AHRR: variants seen among roughly 807,000 people sequenced by gnomAD.
AHRR encodes the protein aryl hydrocarbon receptor repressor.
Under a neutral mutation model 44.0 loss-of-function variants are expected in AHRR, and 28 were observed. The observed-to-expected ratio is 0.64, with a 90% CI of 0.47 to 0.87. AHRR has a LOEUF of 0.87. Ranked by LOEUF, AHRR falls within the 40% of genes least tolerant of loss-of-function variation. The pLI, the probability that AHRR is intolerant of heterozygous loss-of-function variation, is 0.00. For synonymous variants in AHRR, 434 were observed against 407.0 expected, an observed-to-expected ratio of 1.07 and a Z score of -0.80; for missense variants, 990 against 953.9, an observed-to-expected ratio of 1.04 and a Z score of -0.50.
chr5:367,833 C>A (rs554938373), intron 3 of AHRR: 6 of 702,404 alleles, frequency 8.5e-6, no homozygotes, highest in Non-Finnish European at 1.6e-5. Flanking sequence ...TGGCAGATGC[C>A]GAAGATGTGG....
In AHRR at chr5:436,055, C is replaced by T. The variant is rs1045505936; in HGVS notation, c.*1221C>T. The T allele has an allele frequency of 2.0e-5, 3 of 152,848 alleles. No individual in the cohort carries two copies. Among genetic ancestry groups the T allele is most frequent in the Admixed American group, 1.3e-4 (2 of 15,256 alleles). 9.5% of individuals were successfully genotyped at this position (152,848 alleles called of 1,614,324 possible). A position where few individuals can be genotyped will look rare whatever the true frequency, so the allele number is the denominator to read the frequency against. ...GCAAGAGGAAGCCAGGCAGTGAGGC[C>T]CTGGGGTGTGGCTGCAGCTGGGCCC... is the stretch of plus-strand genomic sequence containing the variant. On this transcript the variant is annotated 3_prime_UTR_variant, in exon 11 of 11. Coordinates refer to ENST00000684583, the MANE Select transcript of AHRR (RefSeq NM_001377236.1).
chr5:341,386 G>A (rs932306550), intron 1 of AHRR, among the ~76,000 whole-genome samples: 1 of 151,916 alleles, frequency 6.6e-6, no homozygotes, highest in African/African-American at 2.4e-5. Flanking sequence ...CCTGATATTG[G>A]CAATTTGTGT....
At position 436,610 on chromosome 5, in the gene AHRR, C is replaced by A. The variant is rs1737088369; in HGVS notation, c.*1776C>A. 3 of 152,514 alleles carry A rather than the reference C, an allele frequency of 2.0e-5. No homozygotes were observed. The highest frequency in any genetic ancestry group is 2.0e-4 in the Admixed American group (3 of 15,284). The allele number at this position is 152,514 out of a possible 1,614,324, so 9.4% of individuals were successfully genotyped here. On this transcript the variant is annotated 3_prime_UTR_variant, in exon 11 of 11. Coordinates refer to ENST00000684583, the MANE Select transcript of AHRR (RefSeq NM_001377236.1). ...ATCCATCGTGGCCCCCTATGACCCC[C>A]AAGCCCTACCGAGGGGGCACTCACT...
At chr5:402,526 A>T (rs2721009) in intron 4 of AHRR, among the ~76,000 whole-genome samples, 30 of 142,132 alleles carry the variant, frequency 2.1e-4, no homozygotes, top group South Asian at 9.4e-4. Flanking sequence ...GCAGTCGTTG[A>T]TGAGGGTGTG....
intron 5 of AHRR, among the ~76,000 whole-genome samples, chr5:415,643 TGGGGCGGGAGGCC>T: frequency 6.8e-6 from 1 of 146,064 alleles, no homozygotes; most frequent in African/African-American, 2.6e-5. Context: ...ATCTGCCTGG[TGGGGCGGGAGGCC>T]TAGGGGCCGA....
rs989868379 is a variant in AHRR at position 326,181 on chromosome 5, C to G, written c.-11+4362C>G. Among the ~76,000 whole-genome samples the G allele has an allele frequency of 6.6e-6, 1 of 152,248 alleles. No homozygotes were observed. The highest frequency in any genetic ancestry group is 2.4e-5 in the African/African-American group (1 of 41,470). On this transcript the variant is annotated intron_variant, in intron 1 of 10. Coordinates refer to ENST00000684583, the MANE Select transcript of AHRR (RefSeq NM_001377236.1). The surrounding 1 kb of genome is among the most constrained non-coding windows in gnomAD (Gnocchi z 4.1). The stretch of plus-strand genomic sequence containing the variant: ...CATTTAGTACATTGACGAAGTTGTG[C>G]AGCCACTGCCTCTCTCTAGCTCCAA...
chr5:345,113 GCTGTGT>G lies in AHRR; in HGVS notation c.62+1150_62+1155del, dbSNP rs1742578016. ...GTGTGTGTGTCAGATGATGTCCCTG[GCTGTGT>G]GTGGGGATGTGTGTGTGTGTGTGTG... On this transcript the variant is annotated intron_variant, in intron 2 of 10. Transcript: ENST00000684583. Among the ~76,000 whole-genome samples, 2 of 42,404 alleles carry G rather than the reference GCTGTGT, an allele frequency of 4.7e-5. 1 individual carries two copies. Among genetic ancestry groups the G allele is most frequent in the African/African-American group, 5.0e-4 (2 of 3,990 alleles). The allele number at this position is 42,404 out of a possible 152,430, so 27.8% of individuals were successfully genotyped here.
chr5:390,703 C>A (rs572572535), intron 4 of AHRR, among the ~76,000 whole-genome samples: 3 of 152,026 alleles, frequency 2.0e-5, no homozygotes, highest in Admixed American at 2.0e-4. Context: ...CATGAGTTTC[C>A]GGGTTGGAAG....
intron 4 of AHRR, among the ~76,000 whole-genome samples, chr5:394,087 G>C (rs1454843028): frequency 6.6e-6 from 1 of 152,214 alleles, no homozygotes; most frequent in Non-Finnish European, 1.5e-5. Context: ...TTCTGGACCT[G>C]CTGTTATCCA....
At chr5:379,821 A>G (rs1354215455) in intron 4 of AHRR, among the ~76,000 whole-genome samples, 1 of 152,266 alleles carries the variant, frequency 6.6e-6, no homozygotes, top group Non-Finnish European at 1.5e-5. Flanking sequence ...TATTACAGAT[A>G]GTGAAAGTAT....
At chr5:408,351 A>G (rs1388480349) in intron 4 of AHRR, among the ~76,000 whole-genome samples, 1 of 151,490 alleles carries the variant, frequency 6.6e-6, no homozygotes, top group Non-Finnish European at 1.5e-5. Context: ...ACCTGTGAAG[A>G]AGGTATTCAG....
intron 2 of AHRR, among the ~76,000 whole-genome samples, chr5:349,846 A>G (rs768165023): frequency 6.6e-6 from 1 of 152,208 alleles, no homozygotes; most frequent in Non-Finnish European, 1.5e-5. Context: ...GGTTGATCCA[A>G]CACAATTTAT....
At chr5:369,405 G>T (rs1163765186) in intron 3 of AHRR, among the ~76,000 whole-genome samples, 2 of 152,220 alleles carry the variant, frequency 1.3e-5, no homozygotes, top group Admixed American at 6.5e-5. Flanking sequence ...GGGCAGCTTT[G>T]TCCCACAGGG....
Position 434,353 on chromosome 5 carries a change from A to C in AHRR, c.1613A>C (p.Asp538Ala), listed in dbSNP as rs763719895. ...LLDVSIKMEKDSGCEGAADGC... is the reference protein window; with the variant it reads ...LLDVSIKMEKASGCEGAADGC... ...GATGTGTCCATCAAGATGGAGAAGG[A>C]CTCTGGGTGTGAGGGTGCTGCAGAC... Residue 538 changes from aspartate to alanine, a missense_variant, in exon 11 of 11, where the codon GAC (aspartate) becomes GCC (alanine). Transcript: ENST00000684583. 29 of 1,613,110 alleles carry C rather than the reference A, an allele frequency of 1.8e-5. No homozygotes were observed. The highest frequency in any genetic ancestry group is 2.3e-5 in the Non-Finnish European group (27 of 1,179,842).
At position 427,908 on chromosome 5, in the gene AHRR, G is replaced by A. The variant is rs763636649; in HGVS notation, c.810G>A (p.Ala270=). ...LPPRLSLFCI[A]APVLLPSAAE... is the part of the protein sequence containing the mutation. ...CGCGGCTGTCGCTGTTCTGCATTGC[G>A]GCACCCGTTCTCCTCCCCTCCGCAG... Residue 270 remains alanine (A), a synonymous_variant, in exon 8 of 11, where the codon GCG becomes GCA. Transcript: ENST00000684583. The A allele has an allele frequency of 1.6e-5, 26 of 1,614,004 alleles. No homozygotes were observed. Among genetic ancestry groups the A allele is most frequent in the African/African-American group, 2.7e-5 (2 of 74,948 alleles).
In AHRR at chr5:388,999, G is replaced by C. The variant is rs1206436283; in HGVS notation, c.351+12283G>C. ...TGTCACCTGAACGGGAGGGCTGGCT[G>C]GGGCTCAGGGCTGTCCTGGGGGCCC... On this transcript the variant is annotated intron_variant, in intron 4 of 10. Coordinates refer to ENST00000684583, the MANE Select transcript of AHRR (RefSeq NM_001377236.1). This position sits in a 1 kb window ranked among gnomAD's most constrained non-coding sequence, Gnocchi z 5.2. 6.6e-6 allele frequency among the ~76,000 whole-genome samples: 1 copy of C among 152,150 alleles called. No individual in the cohort carries two copies. The highest frequency in any genetic ancestry group is 1.5e-5 in the Non-Finnish European group (1 of 68,010).
At chr5:432,636 T>C in intron 9 of AHRR, 112 bp downstream of exon 9, 1 of 1,513,882 alleles carries the variant, frequency 6.6e-7, no homozygotes, top group South Asian at 1.1e-5. Context: ...GAAAAGCCAT[T>C]TTGCAGAGAC....
At chr5:346,483 T>A (rs531604647) in intron 2 of AHRR, among the ~76,000 whole-genome samples, 1 of 152,330 alleles carries the variant, frequency 6.6e-6, no homozygotes, top group Non-Finnish European at 1.5e-5. Flanking sequence ...GGACTGCATT[T>A]GCAGCTGTGT....
rs1736949975 is a variant in AHRR, at chr5:435,109, G to A, written c.*275G>A. 1 of 472,290 alleles carries A rather than the reference G, an allele frequency of 2.1e-6. No individual in the cohort carries two copies. The highest frequency in any genetic ancestry group is 3.1e-5 in the South Asian group (1 of 32,450). 29.3% of individuals were successfully genotyped at this position (472,290 alleles called of 1,614,324 possible). A position where few individuals can be genotyped will look rare whatever the true frequency, so the allele number is the denominator to read the frequency against. On this transcript the variant is annotated 3_prime_UTR_variant, in exon 11 of 11. Transcript: ENST00000684583. ...GAGGAATTAAAATCTTTAGGAAAGT[G>A]ATCATGGCTGGACAGCTTCATGCCC... is the stretch of plus-strand genomic sequence containing the variant.
Sources: allele counts gnomAD v4.1 joint callset (sites outside exome capture counted in the v4.1 genomes callset), GRCh38; gene constraint gnomAD v4.1.1; non-coding constraint Gnocchi (gnomAD v3.1); transcripts MANE v1.5; gene names NCBI Gene and HGNC (gene_info 2026-07-23, HGNC 2026-07-21).